The following TYR variants were observed in gnomAD, a reference collection of about 807,000 sequenced individuals.
The protein encoded by TYR is tyrosinase.
A neutral mutation model predicts 51.5 loss-of-function variants in TYR; 58 were observed. The observed-to-expected ratio is 1.13, with a 90% CI of 0.91 to 1.40. The LOEUF (loss-of-function observed/expected upper bound fraction) is 1.40. Among genes scored for constraint, TYR ranks in the 40% most tolerant of loss-of-function variants. The probability of loss-of-function intolerance (pLI) is 0.00; values close to 1 mark genes in which losing one functional copy is unlikely to be tolerated. For missense variants in TYR, 732 were observed against 647.4 expected, an observed-to-expected ratio of 1.13 and a Z score of -1.42; for synonymous variants, 263 against 235.2, an observed-to-expected ratio of 1.12 and a Z score of -1.08.
rs1944426565 is a variant in TYR at position 89,258,968 on chromosome 11, A to C, written c.1185-25805A>C. Among the ~76,000 whole-genome samples the C allele has an allele frequency of 2.6e-5, 4 of 152,054 alleles. No individual in the cohort carries two copies. The South Asian group carries it at 8.3e-4, about 32-fold the overall frequency. ...CTATTTTCTAAGTCATACCTACCGG[A>C]ATAGGTAATCTATTGCAAAAGTATT... On this transcript the variant is annotated intron_variant, in intron 3 of 4. Coordinates refer to ENST00000263321, the MANE Select transcript of TYR (RefSeq NM_000372.5).
chr11:89,280,141 G>C (rs1398261963), intron 3 of TYR, among the ~76,000 whole-genome samples: 2 of 151,414 alleles, frequency 1.3e-5, no homozygotes, highest in Non-Finnish European at 3.0e-5. Context: ...CATATCCTTA[G>C]TTTATGGCAC....
rs531962127 is a variant in TYR, at chr11:89,178,441, C to T, written c.488C>T (p.Ser163Leu). Residue 163 changes from serine (S) to leucine (L), a missense_variant, in exon 1 of 5, where the codon TCA becomes TTA. Physicochemically the swap from Ser to Leu is moderately radical, Grantham distance 145. Transcript: ENST00000263321. ...ACCTATGGCCAAATGAAAAATGGAT[C>T]AACACCCATGTTTAACGACATCAAT... ...IGTYGQMKNG[S>L]TPMFNDINIY... is the part of the protein sequence containing the mutation. 2 of 1,614,170 alleles carry T rather than the reference C, an allele frequency of 1.2e-6. No individual in the cohort carries two copies. The highest frequency in any genetic ancestry group is 3.3e-5 in the Admixed American group (2 of 60,026).
At chr11:89,217,909 C>T (rs1221162882) in intron 2 of TYR, among the ~76,000 whole-genome samples, 2 of 151,986 alleles carry the variant, frequency 1.3e-5, no homozygotes, top group South Asian at 2.1e-4. Flanking sequence ...TCTTTTTTCC[C>T]CATGGTATTT....
intron 3 of TYR, among the ~76,000 whole-genome samples, chr11:89,234,770 A>G (rs1466841705): frequency 6.6e-6 from 1 of 152,132 alleles, no homozygotes; most frequent in Non-Finnish European, 1.5e-5. Context: ...TGGTGTCCCA[A>G]AACAATTACC....
chr11:89,257,458 G>A (rs150454743), intron 3 of TYR, among the ~76,000 whole-genome samples: 38 of 151,872 alleles, frequency 2.5e-4, no homozygotes, highest in East Asian at 1.6e-3. Context: ...CATATTATCC[G>A]TCTCTGGGAG....
At chr11:89,280,058 G>A (rs1474834532) in intron 3 of TYR, among the ~76,000 whole-genome samples, 1 of 151,528 alleles carries the variant, frequency 6.6e-6, no homozygotes, top group Admixed American at 6.6e-5. Context: ...TTAGCCTTTA[G>A]GAGTGATTTC....
At chr11:89,209,788 G>C (rs142751671) in intron 2 of TYR, among the ~76,000 whole-genome samples, 2,549 of 152,198 alleles carry the variant, frequency 0.017, 63 homozygotes, top group African/African-American at 0.057. Flanking sequence ...AATATTTGCT[G>C]TTCTGCAGGC....
chr11:89,240,115 C>A (rs1232203526), intron 3 of TYR, among the ~76,000 whole-genome samples: 1 of 152,038 alleles, frequency 6.6e-6, no homozygotes, highest in African/African-American at 2.4e-5. Context: ...GGGAGAGCAT[C>A]AGGATGAATA....
intron 2 of TYR, among the ~76,000 whole-genome samples, chr11:89,201,662 G>T (rs1479121872): frequency 6.6e-6 from 1 of 152,116 alleles, no homozygotes; most frequent in Admixed American, 6.6e-5. Context: ...CAGAAGATTT[G>T]CCCACCATTG....
rs114532846 is a variant in TYR, at chr11:89,263,930, A to G, written c.1185-20843A>G. 8.5e-3 allele frequency among the ~76,000 whole-genome samples: 1,291 copies of G among 152,192 alleles called. 12 individuals carry two copies. Among genetic ancestry groups the G allele is most frequent in the African/African-American group, 0.029 (1,191 of 41,562 alleles). ...ATGACAATACTTTCTAAGTTAGTCT[A>G]TAAATTCAACACAATCTCTGTCAAG... is the stretch of plus-strand genomic sequence containing the variant. On this transcript the variant is annotated intron_variant, in intron 3 of 4. Transcript: ENST00000263321.
intron 2 of TYR, among the ~76,000 whole-genome samples, chr11:89,197,564 T>A (rs1943536904): frequency 6.6e-6 from 1 of 152,186 alleles, no homozygotes; most frequent in Non-Finnish European, 1.5e-5. Flanking sequence ...AAACAAGGAA[T>A]TGATATTATC....
chr11:89,214,819 G>A (rs2135272260), intron 2 of TYR, among the ~76,000 whole-genome samples: 1 of 152,288 alleles, frequency 6.6e-6, no homozygotes, highest in East Asian at 1.9e-4. Flanking sequence ...CTAAGAGGCA[G>A]TAAATCATGT....
intron 3 of TYR, among the ~76,000 whole-genome samples, chr11:89,246,684 A>G (rs972805059): frequency 6.6e-6 from 1 of 152,016 alleles, no homozygotes; most frequent in Non-Finnish European, 1.5e-5. Flanking sequence ...CTTCTCTTCT[A>G]CTCTACTCCC....
intron 3 of TYR, among the ~76,000 whole-genome samples, chr11:89,258,740 C>T (rs1944423723): frequency 6.6e-6 from 1 of 152,124 alleles, no homozygotes; most frequent in African/African-American, 2.4e-5. Flanking sequence ...TAAGCCTTTG[C>T]ATAGGTTCAA....
At chr11:89,256,093 A>T (rs574611624) in intron 3 of TYR, among the ~76,000 whole-genome samples, 1 of 151,902 alleles carries the variant, frequency 6.6e-6, no homozygotes, top group East Asian at 1.9e-4. Context: ...AGTAATAAAG[A>T]CAATGACCTA....
intron 3 of TYR, among the ~76,000 whole-genome samples, chr11:89,264,278 G>A (rs1944497961): frequency 6.6e-6 from 1 of 151,866 alleles, no homozygotes. Flanking sequence ...TTGTGATTGG[G>A]GTAAAGTCTC....
chr11:89,287,471 A>G (rs1565424740), intron 4 of TYR, among the ~76,000 whole-genome samples: 1 of 151,848 alleles, frequency 6.6e-6, no homozygotes, highest in Non-Finnish European at 1.5e-5. Flanking sequence ...CTTAGATACT[A>G]TGGATACAAT....
intron 3 of TYR, among the ~76,000 whole-genome samples, chr11:89,231,446 G>A (rs1944049178): frequency 7.0e-6 from 1 of 142,366 alleles, no homozygotes; most frequent in South Asian, 2.3e-4. Flanking sequence ...ATACACAATG[G>A]AACACTATTC....
At chr11:89,252,713 A>G (rs1346690737) in intron 3 of TYR, among the ~76,000 whole-genome samples, 1 of 151,770 alleles carries the variant, frequency 6.6e-6, no homozygotes, top group Non-Finnish European at 1.5e-5. Flanking sequence ...TTCAAGGAAC[A>G]GATTGATTAG....
Sources: gnomAD v4.1 joint callset for allele counts (sites outside exome capture counted in the v4.1 genomes callset) on GRCh38, gnomAD v4.1.1 for gene constraint, MANE v1.5 for transcripts, NCBI Gene and HGNC (gene_info 2026-07-23, HGNC 2026-07-21) for gene names.